The following ARHGAP32 variants were observed in gnomAD, a reference collection of about 807,000 sequenced individuals.
ARHGAP32 encodes the protein rho GTPase-activating protein 32.
Under a neutral mutation model 186.5 loss-of-function variants are expected in ARHGAP32, and 51 were observed. That is an observed-to-expected ratio of 0.27 (90% CI 0.22 to 0.35). ARHGAP32 has a LOEUF of 0.35. ARHGAP32 is among the 10% of genes least tolerant of loss of function. The pLI is 1.00. For synonymous variants in ARHGAP32, 950 were observed against 964.3 expected, an observed-to-expected ratio of 0.99 and a Z score of 0.27; for missense variants, 2,186 against 2,623.5, an observed-to-expected ratio of 0.83 and a Z score of 3.64.
intron 1 of ARHGAP32, among the ~76,000 whole-genome samples, chr11:129,278,499 T>C (rs1945562450): frequency 6.6e-6 from 1 of 152,180 alleles, no homozygotes; most frequent in African/African-American, 2.4e-5. Context: ...TGTGTACTGC[T>C]TAAGAAAATC....
At chr11:129,135,464 T>C (rs1942915421) in intron 2 of ARHGAP32, among the ~76,000 whole-genome samples, 1 of 152,232 alleles carries the variant, frequency 6.6e-6, no homozygotes, top group Non-Finnish European at 1.5e-5. Context: ...ATCTGATTTC[T>C]ATATGAATAA....
chr11:129,055,061 G>A (rs1022741921), intron 10 of ARHGAP32, among the ~76,000 whole-genome samples: 4 of 152,190 alleles, frequency 2.6e-5, no homozygotes, highest in Admixed American at 1.3e-4. Flanking sequence ...CGACTGAAAC[G>A]AACTGTAGGG....
intron 11 of ARHGAP32, among the ~76,000 whole-genome samples, chr11:129,013,993 A>G (rs1244453882): frequency 3.9e-5 from 6 of 152,234 alleles, no homozygotes; most frequent in Non-Finnish European, 8.8e-5. Context: ...ATCCTGGATT[A>G]GAGACACTAA....
chr11:129,033,361 C>T (rs531544517), intron 11 of ARHGAP32, among the ~76,000 whole-genome samples: 10 of 152,276 alleles, frequency 6.6e-5, no homozygotes, highest in South Asian at 6.2e-4. Context: ...AATTAATACT[C>T]CCATCATCAG....
intron 1 of ARHGAP32, among the ~76,000 whole-genome samples, chr11:129,206,823 T>C (rs1944520773): frequency 6.6e-6 from 1 of 151,832 alleles, no homozygotes; most frequent in Admixed American, 6.6e-5. Context: ...GTTACATAGG[T>C]ATACATGTGC....
At chr11:129,242,504 G>A (rs1945031903) in intron 1 of ARHGAP32, among the ~76,000 whole-genome samples, 1 of 152,110 alleles carries the variant, frequency 6.6e-6, no homozygotes, top group African/African-American at 2.4e-5. Context: ...AGATCACAAG[G>A]TCAGGAGATC....
chr11:129,002,077 G>A (rs995863200), intron 11 of ARHGAP32, among the ~76,000 whole-genome samples: 11 of 152,038 alleles, frequency 7.2e-5, no homozygotes, highest in Admixed American at 7.2e-4. Context: ...GGATTGCTAT[G>A]GCTATTATTT....
At chr11:129,112,290 T>C (rs908678051) in intron 5 of ARHGAP32, among the ~76,000 whole-genome samples, 1 of 152,088 alleles carries the variant, frequency 6.6e-6, no homozygotes, top group Non-Finnish European at 1.5e-5. Flanking sequence ...GGTTCCTTTA[T>C]AAGTGACTAG....
Position 129,192,207 on chromosome 11 carries a change from TAAAAAAC to T in ARHGAP32, c.-16_-10del, listed in dbSNP as rs1477476303. On this transcript the variant is annotated 5_prime_UTR_variant, in exon 1 of 23. It introduces an in-frame stop codon into an upstream open reading frame of the 5' UTR. Coordinates refer to ENST00000682385, the MANE Select transcript of ARHGAP32 (RefSeq NM_001378024.1). The stretch of plus-strand genomic sequence containing the variant: ...TCACTTTCAGTCTCCATCTTGTACT[TAAAAAAC>T]AAAAAAAACTAAACCTCCAGGCATG... 6.2e-7 allele frequency: 1 copy of T among 1,600,526 alleles called. No individual in the cohort carries two copies.
intron 1 of ARHGAP32, among the ~76,000 whole-genome samples, chr11:129,230,422 CTCATT>C (rs1331554397): frequency 1.3e-5 from 2 of 152,110 alleles, no homozygotes; most frequent in African/African-American, 2.4e-5. Context: ...CCTAATCTCT[CTCATT>C]TGAGTTTACA....
At chr11:129,194,276 G>C (rs1054600416), upstream of ARHGAP32, among the ~76,000 whole-genome samples, 1 of 152,090 alleles carries the variant, frequency 6.6e-6, no homozygotes, top group Non-Finnish European at 1.5e-5. Flanking sequence ...GTAGAAGTAA[G>C]AGGCAAACAG....
rs1940633848 is a variant in ARHGAP32 at position 129,064,875 on chromosome 11, T to C, written c.728A>G (p.Lys243Arg). 5.6e-6 allele frequency: 9 copies of C among 1,599,742 alleles called. No homozygotes were observed. Among genetic ancestry groups the C allele is most frequent in the African/African-American group, 1.3e-5 (1 of 74,592 alleles). The change falls in exon 8 of 23, where the codon AAG (lysine) becomes AGG (arginine). Residue 243 changes from lysine to arginine, a missense_variant. By Grantham distance (26) the Lys-to-Arg change is conservative. This residue lies in a region of ARHGAP32 where 308 missense variants were observed against 596.5 expected (regional missense o/e 0.52). Coordinates refer to ENST00000682385, the MANE Select transcript of ARHGAP32 (RefSeq NM_001378024.1). ...LSRLSAIAGN[K>R]INCGPALTWM... is the part of the protein sequence containing the mutation. ...GGTAAGGGCGGGCCCACAGTTGATC[T>C]TGTTGCCAGCGATAGCTGAAAGGCG...
At chr11:129,074,941 T>C (rs1348478351) in intron 6 of ARHGAP32, among the ~76,000 whole-genome samples, 1 of 152,192 alleles carries the variant, frequency 6.6e-6, no homozygotes, top group Non-Finnish European at 1.5e-5. Flanking sequence ...GTGATGGATA[T>C]GTAACTCAGC....
chr11:129,020,405 GTACTACCTTTA>G (rs2134887793), intron 11 of ARHGAP32, among the ~76,000 whole-genome samples: 1 of 152,118 alleles, frequency 6.6e-6, no homozygotes, highest in South Asian at 2.1e-4. Flanking sequence ...CTTGATGCTT[GTACTACCTTTA>G]ATTGCTAAGG....
intron 1 of ARHGAP32, among the ~76,000 whole-genome samples, chr11:129,256,349 G>A (rs1591722678): frequency 6.6e-6 from 1 of 152,128 alleles, no homozygotes; most frequent in South Asian, 2.1e-4. Context: ...CTGGTATGGA[G>A]GGAGATAAGG....
At chr11:128,987,273 G>A (rs947768135) in intron 13 of ARHGAP32, among the ~76,000 whole-genome samples, 10 of 152,102 alleles carry the variant, frequency 6.6e-5, no homozygotes, top group African/African-American at 1.7e-4. Context: ...ATTCATCCAC[G>A]GGCATGAGAC....
chr11:129,106,513 G>A (rs1942052665), intron 5 of ARHGAP32, among the ~76,000 whole-genome samples: 1 of 151,950 alleles, frequency 6.6e-6, no homozygotes, highest in African/African-American at 2.4e-5. Context: ...AGACACTGGG[G>A]ACTACTAGAT....
chr11:129,240,572 A>G (rs1945002324), intron 1 of ARHGAP32, among the ~76,000 whole-genome samples: 1 of 152,166 alleles, frequency 6.6e-6, no homozygotes, highest in African/African-American at 2.4e-5. Context: ...CTTTTAGTTG[A>G]ATTACTCTTG....
intron 1 of ARHGAP32, chr11:129,202,930 C>T (rs77124369): frequency 7.2e-5 from 11 of 152,340 alleles, no homozygotes; most frequent in African/African-American, 2.6e-4. Context: ...AAACACGCTA[C>T]CAGCGTAGCA....
Sources: allele counts gnomAD v4.1 joint callset (sites outside exome capture counted in the v4.1 genomes callset), GRCh38; gene constraint gnomAD v4.1.1; regional missense constraint gnomAD v4.1.1; transcripts MANE v1.5; gene names NCBI Gene and HGNC (gene_info 2026-07-23, HGNC 2026-07-21).